The following LRP1B variants were observed in gnomAD, a reference collection of about 807,000 sequenced individuals.
LRP1B encodes LDL receptor related protein 1B, also known as low-density lipoprotein receptor-related protein 1B.
In LRP1B, 217 loss-of-function variants were observed where a neutral mutation model predicts 556.6. The observed-to-expected ratio is 0.39, with a 90% CI of 0.35 to 0.44. The LOEUF is 0.44. Among genes scored for constraint, LRP1B ranks in the 20% least tolerant of loss-of-function variants. LRP1B has a pLI of 1.00. For synonymous variants in LRP1B, 2,047 were observed against 1,865.8 expected, an observed-to-expected ratio of 1.10 and a Z score of -2.50; for missense variants, 5,053 against 5,620.8, an observed-to-expected ratio of 0.90 and a Z score of 3.23.
At chr2:140,418,425 C>T (rs1180664885) in intron 66 of LRP1B, among the ~76,000 whole-genome samples, 1 of 152,182 alleles carries the variant, frequency 6.6e-6, no homozygotes, top group African/African-American at 2.4e-5. Context: ...AGAGGATCAA[C>T]TACTTGAGAT....
chr2:141,870,004 G>A (rs1317704456), intron 1 of LRP1B, among the ~76,000 whole-genome samples: 1 of 151,690 alleles, frequency 6.6e-6, no homozygotes, highest in Non-Finnish European at 1.5e-5. Context: ...TTTTTTTCCT[G>A]CTTTGTTAAT....
intron 1 of LRP1B, among the ~76,000 whole-genome samples, chr2:141,894,657 ATCT>A (rs1416555026): frequency 9.4e-3 from 29 of 3,070 alleles, no homozygotes; most frequent in African/African-American, 0.02. Context: ...CTAGATCTAG[ATCT>A]AGATCTAGAT....
intron 3 of LRP1B, among the ~76,000 whole-genome samples, chr2:141,442,543 T>C (rs1391097076): frequency 6.6e-6 from 1 of 151,928 alleles, no homozygotes; most frequent in Non-Finnish European, 1.5e-5. Context: ...ACCCATCATC[T>C]ACATTAGGTA....
chr2:141,377,384 T>G (rs1689474675), intron 3 of LRP1B, among the ~76,000 whole-genome samples: 1 of 152,124 alleles, frequency 6.6e-6, no homozygotes, highest in Non-Finnish European at 1.5e-5. Flanking sequence ...CGTAAACAAG[T>G]CCTTCATTTT....
chr2:140,482,190 C>A (rs973750407), intron 59 of LRP1B, among the ~76,000 whole-genome samples: 3 of 147,186 alleles, frequency 2.0e-5, no homozygotes, highest in Non-Finnish European at 4.6e-5. Context: ...AGGGACCATG[C>A]CTTTTATTTT....
chr2:141,182,440 G>A (rs1163761657), intron 7 of LRP1B, among the ~76,000 whole-genome samples: 1 of 151,944 alleles, frequency 6.6e-6, no homozygotes, highest in African/African-American at 2.4e-5. Flanking sequence ...GAATGCTGAG[G>A]TCAGCTAATC....
At chr2:141,402,199 T>C (rs1255858728) in intron 3 of LRP1B, among the ~76,000 whole-genome samples, 2 of 152,172 alleles carry the variant, frequency 1.3e-5, no homozygotes, top group East Asian at 1.9e-4. Flanking sequence ...TATTTTAGCA[T>C]AGATCATATT....
chr2:141,249,654 G>T (rs1038576511), intron 4 of LRP1B, among the ~76,000 whole-genome samples: 1 of 151,860 alleles, frequency 6.6e-6, no homozygotes, highest in African/African-American at 2.4e-5. Context: ...TCCTACAGTC[G>T]CCTGTGAAGG....
In LRP1B at chr2:140,400,705, G is replaced by A. The variant is rs185914314; in HGVS notation, c.10415-14696C>T. On this transcript the variant is annotated intron_variant, in intron 66 of 90. Transcript: ENST00000389484. ...AACTTTTTTTCCAAAAAGCAACACA[G>A]GAACTTAATAGGAAAACCAAAAGAA... 5.1e-4 allele frequency among the ~76,000 whole-genome samples: 77 copies of A among 152,232 alleles called. 1 individual carries two copies. The highest frequency in any genetic ancestry group is 3.5e-3 in the Admixed American group (53 of 15,290).
chr2:141,945,740 T>G (rs1369075696), intron 1 of LRP1B, among the ~76,000 whole-genome samples: 1 of 151,506 alleles, frequency 6.6e-6, no homozygotes, highest in Non-Finnish European at 1.5e-5. Context: ...CATTCCAAGT[T>G]GTACAGAAAT....
intron 82 of LRP1B, among the ~76,000 whole-genome samples, chr2:140,317,044 T>C (rs2105041566): frequency 6.6e-6 from 1 of 152,234 alleles, no homozygotes; most frequent in Admixed American, 6.5e-5. Flanking sequence ...GGCAGACCTA[T>C]GGGTGAGCAC....
At chr2:141,642,767 G>A (rs1466642070) in intron 2 of LRP1B, among the ~76,000 whole-genome samples, 1 of 152,106 alleles carries the variant, frequency 6.6e-6, no homozygotes, top group East Asian at 1.9e-4. Context: ...ACAAAATAAC[G>A]TTTTTGGTGG....
intron 37 of LRP1B, among the ~76,000 whole-genome samples, chr2:140,713,129 A>G (rs1687092587): frequency 6.6e-6 from 1 of 152,014 alleles, no homozygotes. Flanking sequence ...CCAACTACTG[A>G]TTCCATGTAT....
chr2:140,722,537 C>A (rs892394003), intron 35 of LRP1B, among the ~76,000 whole-genome samples: 2 of 152,104 alleles, frequency 1.3e-5, no homozygotes, highest in Admixed American at 6.6e-5. Flanking sequence ...TACAGTTGGA[C>A]AGGCCAGAAA....
intron 66 of LRP1B, among the ~76,000 whole-genome samples, chr2:140,422,414 G>A (rs1021101950): frequency 2.0e-5 from 3 of 152,148 alleles, no homozygotes; most frequent in Non-Finnish European, 2.9e-5. Flanking sequence ...AGAACAGTGA[G>A]ATATTTAACA....
At chr2:141,128,193 T>C (rs899531793) in intron 7 of LRP1B, among the ~76,000 whole-genome samples, 1 of 152,196 alleles carries the variant, frequency 6.6e-6, no homozygotes, top group Non-Finnish European at 1.5e-5. Flanking sequence ...AATTTATGTT[T>C]GGATTTGTAT....
chr2:140,663,213 A>C lies in LRP1B; in HGVS notation c.6799+37037T>G, dbSNP rs1420838713. On this transcript the variant is annotated intron_variant, in intron 41 of 90. Transcript: ENST00000389484. ...TAAAATGTCCCCCAAAATTCCTACTAAGATACTAAAAATATAAAATTTGAG... is the reference window on the plus strand; with the variant it reads ...TAAAATGTCCCCCAAAATTCCTACTCAGATACTAAAAATATAAAATTTGAG... Among the ~76,000 whole-genome samples, 9 of 152,252 alleles carry C rather than the reference A, an allele frequency of 5.9e-5. No individual in the cohort carries two copies. The East Asian group carries it at 1.7e-3, about 29-fold the overall frequency.
intron 2 of LRP1B, among the ~76,000 whole-genome samples, chr2:141,708,230 A>T (rs536446649): frequency 2.4e-3 from 359 of 150,406 alleles, no homozygotes; most frequent in African/African-American, 5.1e-3. Context: ...AAAATAAATT[A>T]AAAAAAAAAC....
rs145746785 is a variant in LRP1B at position 142,042,128 on chromosome 2, G to A, written c.82+88520C>T. 6.5e-3 allele frequency among the ~76,000 whole-genome samples: 979 copies of A among 151,430 alleles called. 8 individuals carry two copies. Among genetic ancestry groups the A allele is most frequent in the African/African-American group, 0.022 (914 of 41,420 alleles). On this transcript the variant is annotated intron_variant, in intron 1 of 90. Transcript: ENST00000389484. Reference sequence around the variant, plus strand: ...AATGTGTGCTGTAAGCTAGCCATACGAAATAAACGACTTTGGCCTTAACTG... The same window carrying A: ...AATGTGTGCTGTAAGCTAGCCATACAAAATAAACGACTTTGGCCTTAACTG...
Sources: allele counts gnomAD v4.1 joint callset (sites outside exome capture counted in the v4.1 genomes callset), GRCh38; gene constraint gnomAD v4.1.1; transcripts MANE v1.5; gene names NCBI Gene and HGNC (gene_info 2026-07-23, HGNC 2026-07-21).